Variants in ZNF550 observed in about 807,000 individuals in gnomAD.
ZNF550 encodes zinc finger protein 550.
A neutral mutation model predicts 40.2 loss-of-function variants in ZNF550; 42 were observed. That is an observed-to-expected ratio of 1.05 (90% confidence interval 0.82 to 1.35). ZNF550 has a LOEUF of 1.35. Ranked by LOEUF, ZNF550 falls within the 40% of genes most tolerant of loss-of-function variation. ZNF550 has a pLI of 0.00. For missense variants in ZNF550, 549 were observed against 525.2 expected (o/e 1.05, Z -0.44); for synonymous variants, 223 against 198.6 (o/e 1.12, Z -1.03).
At chr19:57,550,005 C>G (rs2090058725) in intron 3 of ZNF550, among the ~76,000 whole-genome samples, 1 of 152,184 alleles carries the variant, frequency 6.6e-6, no homozygotes, top group African/African-American at 2.4e-5. Flanking sequence ...AGAAAATGCA[C>G]AGTTCTTGAT....
chr19:57,543,605 T>C (rs914349532), intron 4 of ZNF550: 11 of 985,144 alleles, frequency 1.1e-5, no homozygotes, highest in Non-Finnish European at 1.2e-5. Flanking sequence ...AATTTGTTCA[T>C]TAAATGTAAC....
intron 4 of ZNF550, chr19:57,543,518 G>T: frequency 1.4e-6 from 1 of 716,620 alleles, no homozygotes; most frequent in Non-Finnish European, 1.7e-6. Flanking sequence ...CACCAACTGT[G>T]AATGGTCATA....
chr19:57,556,033 T>C (rs946781255), intron 2 of ZNF550, 198 bp downstream of exon 2: 7 of 598,048 alleles, frequency 1.2e-5, no homozygotes, highest in Non-Finnish European at 2.0e-5. Context: ...CAGAATGGGC[T>C]GAGCACTGGA....
exon 4 of ZNF550, chr19:57,547,008 T>G (rs762571206): frequency 4.3e-6 from 7 of 1,613,088 alleles, no homozygotes; most frequent in Non-Finnish European, 5.9e-6. Context: ...GCAGAAGGTG[T>G]GACCTGCGTT....
chr19:57,543,278 C>T, intron 4 of ZNF550: 23 of 789,244 alleles, frequency 2.9e-5, no homozygotes, highest in Non-Finnish European at 3.5e-5. Context: ...ACATTTCAAA[C>T]ATTTCCACAT....
intron 3 of ZNF550, 106 bp downstream of exon 3, chr19:57,552,521 C>T (rs1213533913): frequency 9.1e-6 from 8 of 879,566 alleles, no homozygotes; most frequent in Admixed American, 4.7e-5. Flanking sequence ...ACCAGGCCCC[C>T]GGAAAGCCAC....
Position 57,556,360 on chromosome 19 carries a change from G to A in ZNF550, c.28-3C>T, listed in dbSNP as rs1479551234. ...ACATCCTTGAAGGTCACCAACATCT[G>A]GAAAGTCAAACAGAAGTAATGCTAT... On this transcript the variant is annotated splice_polypyrimidine_tract_variant and splice_region_variant and intron_variant, in intron 1 of 4. Transcript: ENST00000457177. 3.1e-6 allele frequency: 5 copies of A among 1,611,878 alleles called. No individual in the cohort carries two copies. Among genetic ancestry groups the A allele is most frequent in the Middle Eastern group, 3.3e-4 (2 of 6,026 alleles).
exon 4 of ZNF550, chr19:57,547,586 G>C: frequency 6.2e-7 from 1 of 1,614,098 alleles, no homozygotes; most frequent in Non-Finnish European, 8.5e-7. Flanking sequence ...CTCTGATGTC[G>C]AACGAGATAC....
At chr19:57,547,327 T>C in exon 4 of ZNF550, 1 of 1,614,122 alleles carries the variant, frequency 6.2e-7, no homozygotes, top group Non-Finnish European at 8.5e-7. Flanking sequence ...GTGGGTCCTA[T>C]TATGGCGAAT....
intron 2 of ZNF550, chr19:57,555,024 T>C (rs1439332748): frequency 6.6e-6 from 1 of 152,250 alleles, no homozygotes; most frequent in Non-Finnish European, 1.5e-5. Context: ...CATCTATGGA[T>C]TGATGTCCAC....
upstream of ZNF550, among the ~76,000 whole-genome samples, chr19:57,561,129 A>G (rs957255162): frequency 1.4e-4 from 22 of 152,034 alleles, no homozygotes; most frequent in African/African-American, 5.1e-4. The surrounding 1 kb of genome is among the most constrained non-coding windows in gnomAD (Gnocchi z 4.9). Context: ...CTGTTATCCT[A>G]TGGTTTCTTT....
At chr19:57,547,133 A>G in exon 4 of ZNF550, 1 of 1,610,802 alleles carries the variant, frequency 6.2e-7, no homozygotes, top group Admixed American at 1.7e-5. Flanking sequence ...GTGCATTCAT[A>G]GGGCTTCTCC....
exon 5 of ZNF550, chr19:57,542,427 A>G (rs567962470): frequency 6.6e-6 from 1 of 151,858 alleles, no homozygotes; most frequent in Admixed American, 6.6e-5. Context: ...TGGTGGTGAT[A>G]TATTTCATAG....
chr19:57,552,940 T>A, intron 2 of ZNF550: 1 of 517,388 alleles, frequency 1.9e-6, no homozygotes, highest in Non-Finnish European at 3.4e-6. Context: ...CCAACGTGAC[T>A]GTATATGGAG....
intron 3 of ZNF550, among the ~76,000 whole-genome samples, chr19:57,550,989 CTT>C (rs769160174): frequency 2.0e-5 from 3 of 152,058 alleles, no homozygotes; most frequent in South Asian, 2.1e-4. Context: ...TTTGTTTAAA[CTT>C]ATATTCACTT....
chr19:57,561,091 G>A (rs1190694015), upstream of ZNF550, among the ~76,000 whole-genome samples: 1 of 152,068 alleles, frequency 6.6e-6, no homozygotes, highest in East Asian at 1.9e-4. The surrounding 1 kb of genome is among the most constrained non-coding windows in gnomAD (Gnocchi z 4.9). Flanking sequence ...CTGGGATTTT[G>A]GCCATTCTTT....
chr19:57,546,979 G>T, exon 4 of ZNF550: 2 of 1,609,950 alleles, frequency 1.2e-6, no homozygotes, highest in Non-Finnish European at 1.7e-6. Context: ...GTTCTCTCAT[G>T]TATGGACCCT....
At chr19:57,552,389 A>AAGCCAGAG in intron 3 of ZNF550, 1 of 487,826 alleles carries the variant, frequency 2.0e-6, no homozygotes, top group Non-Finnish European at 3.6e-6. Context: ...TACCAGCTGG[A>AAGCCAGAG]TTGAGCCAGA....
chr19:57,546,594 T>C, exon 4 of ZNF550: 1 of 1,007,192 alleles, frequency 9.9e-7, no homozygotes, highest in Non-Finnish European at 1.2e-6. Context: ...GTAGTAACTT[T>C]TCATTATGAT....
Sources: allele counts gnomAD v4.1 joint callset (sites outside exome capture counted in the v4.1 genomes callset), GRCh38; gene constraint gnomAD v4.1.1; non-coding constraint Gnocchi (gnomAD v3.1); transcripts MANE v1.5; gene names NCBI Gene and HGNC (gene_info 2026-07-23, HGNC 2026-07-21).